RNGTT: variants seen among roughly 807,000 people sequenced by gnomAD.
The protein encoded by RNGTT is RNA guanylyltransferase and 5'-phosphatase.
Under a neutral mutation model 79.3 loss-of-function variants are expected in RNGTT, and 33 were observed. The ratio of observed to expected loss-of-function variants is 0.42; its 90% CI spans 0.32 to 0.56. The LOEUF (loss-of-function observed/expected upper bound fraction) is 0.56. RNGTT is among the 20% of genes least tolerant of loss of function. The probability of loss-of-function intolerance (pLI) is 0.17; values close to 1 mark genes in which losing one functional copy is unlikely to be tolerated. For synonymous variants in RNGTT, 222 were observed against 235.9 expected, an observed-to-expected ratio of 0.94 and a Z score of 0.54; for missense variants, 497 against 739.1, an observed-to-expected ratio of 0.67 and a Z score of 3.80.
intron 1 of RNGTT, among the ~76,000 whole-genome samples, chr6:88,959,945 A>G (rs1314250484): frequency 6.6e-6 from 1 of 152,212 alleles, no homozygotes; most frequent in African/African-American, 2.4e-5. Context: ...GAAACTTTCA[A>G]TAACACCCCC....
chr6:88,632,534 C>CAGACACAG, intron 14 of RNGTT, among the ~76,000 whole-genome samples: 1 of 96,680 alleles, frequency 1.0e-5, no homozygotes, highest in East Asian at 3.6e-4. Flanking sequence ...TACAGACACA[C>CAGACACAG]AGACACACAG....
intron 13 of RNGTT, among the ~76,000 whole-genome samples, chr6:88,741,917 C>T (rs115786859): frequency 0.011 from 1,620 of 152,204 alleles, 36 homozygotes; most frequent in African/African-American, 0.037. Context: ...CTGATCTTTC[C>T]GTTGCTATTA....
At chr6:88,852,566 G>GTA (rs573703315) in intron 9 of RNGTT, among the ~76,000 whole-genome samples, 125 of 151,682 alleles carry the variant, frequency 8.2e-4, no homozygotes, top group Middle Eastern at 3.4e-3. Flanking sequence ...ATGTACATAT[G>GTA]TATATATATA....
chr6:88,846,948 T>C (rs1018954927), intron 10 of RNGTT, among the ~76,000 whole-genome samples: 2 of 152,186 alleles, frequency 1.3e-5, no homozygotes, highest in African/African-American at 4.8e-5. Flanking sequence ...ACCTTTGTTA[T>C]GTTTATGATT....
intron 11 of RNGTT, among the ~76,000 whole-genome samples, chr6:88,827,414 G>A (rs1193785287): frequency 2.6e-5 from 4 of 152,150 alleles, no homozygotes; most frequent in African/African-American, 4.8e-5. Flanking sequence ...AGATTCCCTC[G>A]GATGCCTACG....
chr6:88,713,562 G>T (rs1437069735), intron 13 of RNGTT, among the ~76,000 whole-genome samples: 1 of 152,052 alleles, frequency 6.6e-6, no homozygotes, highest in East Asian at 1.9e-4. Context: ...CAAATTTTCA[G>T]TGTCTTATAT....
In RNGTT at chr6:88,904,863, T is replaced by C. The variant is rs1783599666; in HGVS notation, c.536A>G (p.Asp179Gly). 6.2e-7 allele frequency: 1 copy of C among 1,613,984 alleles called. No homozygotes were observed. Among genetic ancestry groups the C allele is most frequent in the Admixed American group, 1.7e-5 (1 of 59,974 alleles). ...AGGTGGGGGTGGTGCTTCCTCTATG[T>C]CACCATACCGACGAAAAAGTTCCTT... Reference protein sequence around the residue: ...YLKELFRRYGDIEEAPPPPLL... With the variant: ...YLKELFRRYGGIEEAPPPPLL... Residue 179 changes from aspartate to glycine, a missense_variant, in exon 6 of 16, where the codon GAC becomes GGC. Asp to Gly is a moderately conservative substitution (Grantham distance 94). Coordinates refer to ENST00000369485, the MANE Select transcript of RNGTT (RefSeq NM_003800.5).
rs1006404396 is a variant in RNGTT at position 88,735,280 on chromosome 6, G to C, written c.1439+34494C>G. On this transcript the variant is annotated intron_variant, in intron 13 of 15. Coordinates refer to ENST00000369485, the MANE Select transcript of RNGTT (RefSeq NM_003800.5). ...TAGTAACTGATAGATCTAACAGGCA[G>C]GAAAGCAGTAAAAATGTTGTTGAGT... Among the ~76,000 whole-genome samples the C allele has an allele frequency of 2.0e-5, 3 of 152,052 alleles. No homozygotes were observed. The South Asian group carries it at 6.2e-4, about 32-fold the overall frequency.
chr6:88,922,584 G>T (rs1784197327), intron 4 of RNGTT, among the ~76,000 whole-genome samples: 2 of 151,926 alleles, frequency 1.3e-5, no homozygotes, highest in African/African-American at 4.8e-5. Flanking sequence ...CTGGAGTGCA[G>T]TGGCGCAATC....
intron 8 of RNGTT, among the ~76,000 whole-genome samples, chr6:88,870,928 C>A (rs1219941697): frequency 1.3e-5 from 2 of 152,078 alleles, no homozygotes; most frequent in African/African-American, 4.8e-5. Context: ...TGCCATCTAG[C>A]GAAGTCATAA....
chr6:88,836,436 A>G (rs923535227), intron 11 of RNGTT, among the ~76,000 whole-genome samples: 1 of 152,052 alleles, frequency 6.6e-6, no homozygotes, highest in Non-Finnish European at 1.5e-5. Flanking sequence ...CCTTACTAAC[A>G]TGACAAATAA....
At chr6:88,670,048 A>G (rs1418448202) in intron 14 of RNGTT, among the ~76,000 whole-genome samples, 11 of 152,334 alleles carry the variant, frequency 7.2e-5, no homozygotes, top group African/African-American at 1.4e-4. Flanking sequence ...AAGAAATGCT[A>G]TTTATCAAAA....
intron 12 of RNGTT, among the ~76,000 whole-genome samples, chr6:88,775,631 C>T (rs1361057752): frequency 1.3e-5 from 2 of 152,138 alleles, no homozygotes; most frequent in African/African-American, 4.8e-5. Context: ...ATTAGTTTAT[C>T]ACCTATAATC....
chr6:88,744,241 C>G (rs897192451), intron 13 of RNGTT, among the ~76,000 whole-genome samples: 8 of 151,832 alleles, frequency 5.3e-5, no homozygotes, highest in African/African-American at 1.9e-4. Context: ...TCTTATTACT[C>G]CTTTTTATTT....
chr6:88,774,593 T>C (rs1312848651), intron 12 of RNGTT, among the ~76,000 whole-genome samples: 2 of 152,240 alleles, frequency 1.3e-5, no homozygotes, highest in East Asian at 3.9e-4. Context: ...AACAGGTGAG[T>C]AGATAAACAA....
chr6:88,884,039 T>C (rs1021600945), intron 8 of RNGTT, among the ~76,000 whole-genome samples: 1 of 152,228 alleles, frequency 6.6e-6, no homozygotes, highest in East Asian at 1.9e-4. Flanking sequence ...TCTCACAAAC[T>C]GCCTGTGGGA....
At chr6:88,943,915 G>A (rs537585098) in intron 1 of RNGTT, among the ~76,000 whole-genome samples, 10 of 152,234 alleles carry the variant, frequency 6.6e-5, no homozygotes, top group Non-Finnish European at 1.0e-4. Context: ...TGACTTCTTT[G>A]TGCCTACACA....
chr6:88,688,497 T>G (rs548892531), intron 13 of RNGTT, among the ~76,000 whole-genome samples: 175 of 152,122 alleles, frequency 1.2e-3, no homozygotes, highest in African/African-American at 3.9e-3. Flanking sequence ...CATTCACCAA[T>G]AAAAGAAACC....
At chr6:88,664,489 G>A (rs533376016) in intron 14 of RNGTT, among the ~76,000 whole-genome samples, 13 of 152,268 alleles carry the variant, frequency 8.5e-5, no homozygotes, top group African/African-American at 2.4e-4. Context: ...GCAGCAAGCC[G>A]CAGAGAGAGC....
Sources: allele counts gnomAD v4.1 joint callset (sites outside exome capture counted in the v4.1 genomes callset), GRCh38; gene constraint gnomAD v4.1.1; transcripts MANE v1.5; gene names NCBI Gene and HGNC (gene_info 2026-07-23, HGNC 2026-07-21).